The following ARHGAP10 variants were observed in gnomAD, a reference collection of about 807,000 sequenced individuals.
ARHGAP10 encodes the protein Rho GTPase activating protein 10, also known as rho GTPase-activating protein 10.
ARHGAP10 carries 87 observed loss-of-function variants against 108.6 expected under a neutral mutation model. The observed-to-expected ratio is 0.80, with a 90% confidence interval of 0.67 to 0.96. ARHGAP10 has a LOEUF of 0.96. ARHGAP10 is among the 40% of genes least tolerant of loss of function. ARHGAP10 has a pLI of 0.00. For missense variants in ARHGAP10, 939 were observed against 954.5 expected, an observed-to-expected ratio of 0.98 and a Z score of 0.21; for synonymous variants, 347 against 341.1, an observed-to-expected ratio of 1.02 and a Z score of -0.19.
Position 148,000,627 on chromosome 4 carries a change from T to C in ARHGAP10, c.1717-22636T>C, listed in dbSNP as rs188795930. On this transcript the variant is annotated intron_variant, in intron 18 of 22. Transcript: ENST00000336498. Reference sequence around the variant, plus strand: ...TTTTAATGATTGCCATTCTAACTGGTGTGAGATGGTATCTCATTGTGGTTT... The same window carrying C: ...TTTTAATGATTGCCATTCTAACTGGCGTGAGATGGTATCTCATTGTGGTTT... 1.6e-3 allele frequency among the ~76,000 whole-genome samples: 240 copies of C among 152,352 alleles called. 1 individual carries two copies. The highest frequency in any genetic ancestry group is 5.2e-3 in the African/African-American group (216 of 41,590).
intron 18 of ARHGAP10, among the ~76,000 whole-genome samples, chr4:147,983,450 G>A (rs752920866): frequency 2.4e-4 from 37 of 151,858 alleles, no homozygotes; most frequent in Non-Finnish European, 4.7e-4. Context: ...CTCCCAAAGT[G>A]CTGGGATTAT....
At chr4:147,776,252 C>T (rs1331822480) in intron 1 of ARHGAP10, among the ~76,000 whole-genome samples, 3 of 152,176 alleles carry the variant, frequency 2.0e-5, no homozygotes, top group Non-Finnish European at 4.4e-5. Context: ...CGGAGTCTTG[C>T]TCTGTCGCCC....
At chr4:147,794,842 T>G (rs1731249885) in intron 1 of ARHGAP10, among the ~76,000 whole-genome samples, 1 of 152,250 alleles carries the variant, frequency 6.6e-6, no homozygotes, top group Admixed American at 6.5e-5. Context: ...TCTTGTGGTG[T>G]TCTATCATGT....
At chr4:147,883,976 A>G (rs941413698) in intron 10 of ARHGAP10, among the ~76,000 whole-genome samples, 1 of 152,136 alleles carries the variant, frequency 6.6e-6, no homozygotes. Flanking sequence ...ATTACAGGCA[A>G]GAGCCACTGT....
intron 7 of ARHGAP10, among the ~76,000 whole-genome samples, chr4:147,871,830 G>A (rs1734834944): frequency 6.6e-6 from 1 of 152,330 alleles, no homozygotes; most frequent in African/African-American, 2.4e-5. Flanking sequence ...GCTGGGGATG[G>A]TGGCTCACGC....
intron 18 of ARHGAP10, among the ~76,000 whole-genome samples, chr4:147,996,026 T>A (rs1740460942): frequency 6.6e-6 from 1 of 152,200 alleles, no homozygotes; most frequent in Admixed American, 6.5e-5. Flanking sequence ...GGTCCATCTC[T>A]TTTATACTCC....
intron 18 of ARHGAP10, among the ~76,000 whole-genome samples, chr4:147,985,107 C>T (rs757062543): frequency 1.3e-5 from 2 of 152,156 alleles, no homozygotes; most frequent in Non-Finnish European, 2.9e-5. Context: ...CCTCCAGGTG[C>T]CAGGAGATCT....
At chr4:147,813,281 C>A (rs572444022) in intron 1 of ARHGAP10, among the ~76,000 whole-genome samples, 1 of 152,334 alleles carries the variant, frequency 6.6e-6, no homozygotes, top group South Asian at 2.1e-4. Flanking sequence ...TACTTCACAG[C>A]TCCTGTGAAG....
chr4:147,838,973 C>A (rs1382415069), intron 3 of ARHGAP10, among the ~76,000 whole-genome samples: 2 of 152,086 alleles, frequency 1.3e-5, no homozygotes, highest in Admixed American at 1.3e-4. Context: ...AGTTGTTGAT[C>A]AAAATAATGG....
At chr4:147,956,332 T>C (rs1433343242) in intron 16 of ARHGAP10, among the ~76,000 whole-genome samples, 1 of 152,116 alleles carries the variant, frequency 6.6e-6, no homozygotes, top group Non-Finnish European at 1.5e-5. Flanking sequence ...TGTTACCTTC[T>C]TGTGAGGTCC....
chr4:147,838,371 G>T (rs1733258340), intron 3 of ARHGAP10, among the ~76,000 whole-genome samples: 1 of 152,100 alleles, frequency 6.6e-6, no homozygotes. Flanking sequence ...TTAGGAGGCT[G>T]AGGCAGGAGG....
At chr4:147,753,417 C>T (rs1282845443) in intron 1 of ARHGAP10, among the ~76,000 whole-genome samples, 4 of 150,986 alleles carry the variant, frequency 2.6e-5, no homozygotes, top group Admixed American at 6.6e-5. Context: ...GATCTCGGCT[C>T]ACTACAACCT....
At chr4:148,013,899 T>G (rs1174125419) in intron 18 of ARHGAP10, among the ~76,000 whole-genome samples, 1 of 152,158 alleles carries the variant, frequency 6.6e-6, no homozygotes, top group Non-Finnish European at 1.5e-5. Context: ...GGAGAGGAAG[T>G]CCTCTTCTTG....
chr4:148,043,614 A>AATATATATATATATATGTATAT (rs1728728567), intron 19 of ARHGAP10, among the ~76,000 whole-genome samples: 3 of 54,998 alleles, frequency 5.5e-5, no homozygotes, highest in African/African-American at 1.7e-4. Flanking sequence ...CCCTCTCTCT[A>AATATATATATATATATGTATAT]ATATATATAT....
chr4:147,787,796 G>A (rs1057140301), intron 1 of ARHGAP10, among the ~76,000 whole-genome samples: 2 of 152,120 alleles, frequency 1.3e-5, no homozygotes, highest in Non-Finnish European at 2.9e-5. Flanking sequence ...AGTAGTAACA[G>A]AACCTCATCT....
intron 1 of ARHGAP10, among the ~76,000 whole-genome samples, chr4:147,797,226 C>A (rs995803454): frequency 4.6e-5 from 7 of 151,256 alleles, no homozygotes; most frequent in African/African-American, 1.7e-4. Flanking sequence ...CTTTTGGTAT[C>A]ACTTCTGTGT....
At chr4:147,779,865 A>C (rs917663353) in intron 1 of ARHGAP10, among the ~76,000 whole-genome samples, 1 of 152,160 alleles carries the variant, frequency 6.6e-6, no homozygotes, top group Non-Finnish European at 1.5e-5. Flanking sequence ...CTGAGGTTTA[A>C]ATGGAAGAAT....
chr4:147,747,713 A>G (rs909127458), intron 1 of ARHGAP10, among the ~76,000 whole-genome samples: 19 of 152,308 alleles, frequency 1.2e-4, no homozygotes, highest in African/African-American at 4.6e-4. Context: ...TCTTCAGATT[A>G]TTGTTATAAA....
chr4:147,751,206 TGAGTA>T (rs1729132094), intron 1 of ARHGAP10, among the ~76,000 whole-genome samples: 1 of 151,664 alleles, frequency 6.6e-6, no homozygotes, highest in Non-Finnish European at 1.5e-5. Context: ...AAACAAACAA[TGAGTA>T]GATCACTATT....
Sources: allele counts gnomAD v4.1 joint callset (sites outside exome capture counted in the v4.1 genomes callset), GRCh38; gene constraint gnomAD v4.1.1; transcripts MANE v1.5; gene names NCBI Gene and HGNC (gene_info 2026-07-23, HGNC 2026-07-21).